The following RBFOX1 variants were observed in gnomAD, a reference collection of about 807,000 sequenced individuals.
The protein encoded by RBFOX1 is RNA binding fox-1 homolog 1.
RBFOX1 carries 8 observed loss-of-function variants against 57.7 expected under a neutral mutation model. The observed-to-expected ratio is 0.14, with a 90% CI of 0.08 to 0.25. The LOEUF (loss-of-function observed/expected upper bound fraction) is 0.25, where lower values mean the gene tolerates loss of function less well. RBFOX1 is among the 10% of genes least tolerant of loss of function. The pLI is 1.00. For synonymous variants in RBFOX1, 326 were observed against 222.4 expected, an observed-to-expected ratio of 1.47 and a Z score of -4.15; for missense variants, 611 against 548.5, an observed-to-expected ratio of 1.11 and a Z score of -1.14.
chr16:6,742,381 T>C (rs1203494080), intron 3 of RBFOX1, among the ~76,000 whole-genome samples: 1 of 152,210 alleles, frequency 6.6e-6, no homozygotes, highest in Non-Finnish European at 1.5e-5. Flanking sequence ...ATACTGATGA[T>C]GGCAATGCAA....
intron 1 of RBFOX1, among the ~76,000 whole-genome samples, chr16:5,405,954 G>C (rs373178273): frequency 6.6e-6 from 1 of 152,156 alleles, no homozygotes; most frequent in Non-Finnish European, 1.5e-5. Flanking sequence ...AGAGAACATC[G>C]GGGACAGGGA....
At chr16:7,575,767 C>T (rs556631841) in intron 5 of RBFOX1, among the ~76,000 whole-genome samples, 11 of 152,212 alleles carry the variant, frequency 7.2e-5, no homozygotes, top group East Asian at 3.9e-4. Context: ...AATATGTTTT[C>T]CCCGGAAGGT....
chr16:6,589,171 G>A (rs1029111300), intron 2 of RBFOX1, among the ~76,000 whole-genome samples: 3 of 152,104 alleles, frequency 2.0e-5, no homozygotes, highest in African/African-American at 7.2e-5. Flanking sequence ...GAATACCACT[G>A]CCAGAAAAGA....
chr16:6,633,144 C>T (rs970976805), intron 2 of RBFOX1, among the ~76,000 whole-genome samples: 1 of 152,170 alleles, frequency 6.6e-6, no homozygotes, highest in African/African-American at 2.4e-5. Flanking sequence ...CTGACGTGCA[C>T]CCCTGTGCTG....
In RBFOX1 at chr16:6,373,453, G is replaced by T. The variant is rs549110700; in HGVS notation, c.-64+56396G>T. Among the ~76,000 whole-genome samples the T allele has an allele frequency of 2.6e-5, 4 of 152,040 alleles. No homozygotes were observed. The East Asian group carries it at 7.8e-4, about 30-fold the overall frequency. On this transcript the variant is annotated intron_variant, in intron 2 of 15. Coordinates refer to ENST00000550418, the MANE Select transcript of RBFOX1 (RefSeq NM_018723.4). ...GGAAGTATAACTGGATGGGAGGATG[G>T]TTGGTTAGGATCTTTGGGTAGGAGG...
At chr16:5,556,877 C>G (rs1241916022) in intron 2 of RBFOX1, among the ~76,000 whole-genome samples, 1 of 152,198 alleles carries the variant, frequency 6.6e-6, no homozygotes, top group Non-Finnish European at 1.5e-5. Flanking sequence ...GTTTATATGT[C>G]CATTTTATAG....
intron 2 of RBFOX1, among the ~76,000 whole-genome samples, chr16:6,519,991 C>T (rs958624842): frequency 6.6e-6 from 1 of 152,200 alleles, no homozygotes; most frequent in African/African-American, 2.4e-5. Flanking sequence ...ATCAGTCTGT[C>T]TTCCTTCCTG....
chr16:6,891,361 TACAG>T (rs1332510692), intron 3 of RBFOX1, among the ~76,000 whole-genome samples: 3 of 152,228 alleles, frequency 2.0e-5, no homozygotes, highest in South Asian at 4.2e-4. Context: ...CGATATAAGA[TACAG>T]ACACTAAATT....
chr16:6,738,383 T>A (rs2071048307), intron 3 of RBFOX1, among the ~76,000 whole-genome samples: 1 of 152,102 alleles, frequency 6.6e-6, no homozygotes, highest in South Asian at 2.1e-4. Flanking sequence ...AAGGCACCTG[T>A]CATTCTGAGT....
chr16:7,240,089 C>T lies in RBFOX1; in HGVS notation c.27+187991C>T, dbSNP rs1165713430. Among the ~76,000 whole-genome samples the T allele has an allele frequency of 2.6e-5, 4 of 152,128 alleles. No homozygotes were observed. In the East Asian group the frequency reaches 7.7e-4, roughly 29 times the overall value. On this transcript the variant is annotated intron_variant, in intron 4 of 15. Coordinates refer to ENST00000550418, the MANE Select transcript of RBFOX1 (RefSeq NM_018723.4). ...TCAAGCGATTCTCCTGCCTCAGACT[C>T]TTGAGTAGCTGGGATTACGGGCACC...
At chr16:5,332,268 T>C (rs1451801453) in intron 1 of RBFOX1, among the ~76,000 whole-genome samples, 3 of 152,092 alleles carry the variant, frequency 2.0e-5, no homozygotes, top group African/African-American at 7.2e-5. Flanking sequence ...TTTATTTTAT[T>C]TTATTTTATT....
chr16:5,729,763 C>G (rs1010557383), intron 3 of RBFOX1, among the ~76,000 whole-genome samples: 2 of 152,130 alleles, frequency 1.3e-5, no homozygotes, highest in East Asian at 1.9e-4. Context: ...AGAACAGACA[C>G]CACTCTAGCT....
chr16:7,063,303 C>G (rs1309226349), intron 4 of RBFOX1, among the ~76,000 whole-genome samples: 2 of 152,026 alleles, frequency 1.3e-5, no homozygotes, highest in Admixed American at 1.3e-4. Context: ...TTCCCCCCAA[C>G]CCCAGGGGAC....
intron 4 of RBFOX1, among the ~76,000 whole-genome samples, chr16:7,360,926 T>C (rs2097308247): frequency 6.6e-6 from 1 of 152,198 alleles, no homozygotes; most frequent in East Asian, 1.9e-4. Flanking sequence ...GAGAGTCTCA[T>C]CCACTGCGTA....
intron 4 of RBFOX1, among the ~76,000 whole-genome samples, chr16:7,322,728 A>T (rs1055958444): frequency 6.6e-6 from 1 of 152,188 alleles, no homozygotes; most frequent in African/African-American, 2.4e-5. Context: ...AAGAGGCTCA[A>T]TGGTATGGGA....
intron 2 of RBFOX1, among the ~76,000 whole-genome samples, chr16:5,499,280 C>G (rs1292827086): frequency 1.3e-5 from 2 of 152,196 alleles, no homozygotes; most frequent in African/African-American, 4.8e-5. Context: ...AGAGGAATGA[C>G]TGACTTCTGT....
intron 3 of RBFOX1, among the ~76,000 whole-genome samples, chr16:6,754,361 A>G (rs1450841505): frequency 6.6e-6 from 1 of 152,204 alleles, no homozygotes; most frequent in Non-Finnish European, 1.5e-5. Flanking sequence ...AATTTCACCT[A>G]AATTGGAATT....
chr16:6,810,895 T>C (rs2088365433), intron 3 of RBFOX1, among the ~76,000 whole-genome samples: 1 of 152,300 alleles, frequency 6.6e-6, no homozygotes, highest in South Asian at 2.1e-4. Context: ...GTTCAAGAGC[T>C]GATTTGGGTG....
At chr16:7,392,854 GGTTTGTTTGTTTGTTTGTTT>G (rs71391628) in intron 4 of RBFOX1, among the ~76,000 whole-genome samples, 1 of 122,988 alleles carries the variant, frequency 8.1e-6, no homozygotes, top group Non-Finnish European at 1.7e-5. Context: ...GGTTTGGTTT[GGTTTGTTTGTTTGTTTGTTT>G]GTTTGTTTGT....
Sources: allele counts gnomAD v4.1 joint callset (sites outside exome capture counted in the v4.1 genomes callset), GRCh38; gene constraint gnomAD v4.1.1; transcripts MANE v1.5; gene names NCBI Gene and HGNC (gene_info 2026-07-23, HGNC 2026-07-21).